Variants in ARMC8 observed in about 807,000 individuals in gnomAD.
ARMC8 encodes armadillo repeat containing 8, also known as armadillo repeat-containing protein 8.
ARMC8 carries 20 observed loss-of-function variants against 99.3 expected under a neutral mutation model. The observed-to-expected ratio is 0.20, with a 90% CI of 0.14 to 0.29. The LOEUF (loss-of-function observed/expected upper bound fraction) is 0.29, where lower values mean the gene tolerates loss of function less well. ARMC8 is among the 10% of genes least tolerant of loss of function. The pLI, the probability that ARMC8 is intolerant of heterozygous loss-of-function variation, is 1.00. For synonymous variants in ARMC8, 263 were observed against 278.3 expected (o/e 0.95, Z 0.55); for missense variants, 569 against 809.5 (o/e 0.70, Z 3.60).
intron 2 of ARMC8, among the ~76,000 whole-genome samples, chr3:138,211,078 T>TA (rs1371657544): frequency 6.6e-6 from 1 of 152,156 alleles, no homozygotes; most frequent in East Asian, 1.9e-4. Flanking sequence ...TTTAGACTAG[T>TA]TTAATTATTA....
At chr3:138,262,119 T>A (rs2108256682) in intron 12 of ARMC8, 1 of 157,182 alleles carries the variant, frequency 6.4e-6, no homozygotes, top group East Asian at 1.9e-4. Flanking sequence ...TAATGAATGG[T>A]GGGAGGACAG....
chr3:138,234,889 T>A (rs918572505), intron 6 of ARMC8, 145 bp from the exon 7 acceptor site: 1 of 627,636 alleles, frequency 1.6e-6, no homozygotes, highest in Non-Finnish European at 2.8e-6. Flanking sequence ...TTTGTGCTGC[T>A]TTTTGAGGTT....
intron 9 of ARMC8, 56 bp downstream of exon 9, chr3:138,237,628 A>G: frequency 1.4e-6 from 2 of 1,455,144 alleles, no homozygotes; most frequent in Admixed American, 2.1e-5. Context: ...ATCTTAGAGT[A>G]TTTTTGGACA....
At chr3:138,288,485 T>C (rs980701036) in intron 19 of ARMC8, among the ~76,000 whole-genome samples, 4 of 152,216 alleles carry the variant, frequency 2.6e-5, no homozygotes, top group Non-Finnish European at 5.9e-5. Flanking sequence ...GTTTTTTAAA[T>C]TTGAATTTGC....
rs1230920581 is a variant in ARMC8 at position 138,274,694 on chromosome 3, C to T, written c.1725+150C>T. The T allele has an allele frequency of 1.1e-5, 7 of 628,428 alleles. No individual in the cohort carries two copies. In the East Asian group the frequency reaches 1.4e-4, roughly 12 times the overall value. The allele number at this position is 628,428 out of a possible 1,614,324, so 38.9% of individuals were successfully genotyped here. On this transcript the variant is annotated intron_variant, in intron 18 of 21. Transcript: ENST00000469044. ...TAGGAAGAAATATCTTCCACCATCC[C>T]TTAAACTCTCTTTAAGACTTCTTCC... is the stretch of plus-strand genomic sequence containing the variant.
At chr3:138,284,360 C>A (rs989593758) in intron 18 of ARMC8, 71 bp from the exon 19 acceptor site, 11 of 1,226,586 alleles carry the variant, frequency 9.0e-6, no homozygotes, top group Non-Finnish European at 1.3e-5. Context: ...AAAAATTGCC[C>A]AAGCTCTTGA....
rs1559985935 is a variant in ARMC8 at position 138,247,417 on chromosome 3, T to G, written c.1134+2234T>G. On this transcript the variant is annotated intron_variant, in intron 12 of 21. Coordinates refer to ENST00000469044, the MANE Select transcript of ARMC8 (RefSeq NM_001363941.2). ...AGTCTCTGAAAGAAATTTAAAGGAC[T>G]GTAGATCTACTTCCCTCAATCCCTA... 2.0e-5 allele frequency among the ~76,000 whole-genome samples: 3 copies of G among 152,302 alleles called. No homozygotes were observed. The Middle Eastern group carries it at 0.01, about 518-fold the overall frequency.
At chr3:138,241,311 G>T (rs372468068) in intron 10 of ARMC8, among the ~76,000 whole-genome samples, 5 of 152,184 alleles carry the variant, frequency 3.3e-5, no homozygotes, top group African/African-American at 1.2e-4. Context: ...TTTGGCAACT[G>T]TAGGTATGAC....
At position 138,221,813 on chromosome 3, in the gene ARMC8, G is replaced by A. The variant is rs193052262; in HGVS notation, c.123-113G>A. 1.4e-4 allele frequency: 109 copies of A among 785,036 alleles called. 2 individuals carry two copies. Among genetic ancestry groups the A allele is most frequent in the South Asian group, 6.9e-4 (42 of 60,948 alleles). The allele number at this position is 785,036 out of a possible 1,614,324, so 48.6% of individuals were successfully genotyped here. A position where few individuals can be genotyped will look rare whatever the true frequency, so the allele number is the denominator to read the frequency against. On this transcript the variant is annotated intron_variant, in intron 2 of 21. Transcript: ENST00000469044. ...TCATTAGTACTTTAGGTGAAAAAAG[G>A]TTAGTGCTTTTACTTTGTCAAATCT...
Position 138,187,494 on chromosome 3 carries a change from G to A in ARMC8, c.-61G>A, listed in dbSNP as rs1277620648. ...CGGTGCCTAGCGTTGGCCAATAGTT[G>A]GCTGTCGAAAGTGCCGGCCCCCGCG... On this transcript the variant is annotated 5_prime_UTR_variant, in exon 1 of 22. Transcript: ENST00000469044. 6.6e-7 allele frequency: 1 copy of A among 1,518,304 alleles called. No homozygotes were observed. The highest frequency in any genetic ancestry group is 1.2e-5 in the South Asian group (1 of 83,638). The allele number at this position is 1,518,304 out of a possible 1,614,324, so 94.1% of individuals were successfully genotyped here.
At chr3:138,203,712 G>A (rs776212138) in intron 1 of ARMC8, among the ~76,000 whole-genome samples, 2 of 152,164 alleles carry the variant, frequency 1.3e-5, no homozygotes, top group Non-Finnish European at 2.9e-5. Flanking sequence ...CAGGAGGTGG[G>A]GATCATTGGG....
intron 12 of ARMC8, among the ~76,000 whole-genome samples, chr3:138,248,404 A>G (rs2108204622): frequency 6.6e-6 from 1 of 152,234 alleles, no homozygotes; most frequent in East Asian, 1.9e-4. Context: ...AGTAAAAATT[A>G]GCTCTCATCT....
At chr3:138,270,501 CAG>C (rs1250117373) in intron 16 of ARMC8, among the ~76,000 whole-genome samples, 2 of 152,242 alleles carry the variant, frequency 1.3e-5, no homozygotes, top group South Asian at 2.1e-4. Flanking sequence ...TGATACCAAC[CAG>C]AGAGTTCTTA....
intron 2 of ARMC8, among the ~76,000 whole-genome samples, chr3:138,221,194 A>G (rs2045373612): frequency 6.6e-6 from 1 of 152,230 alleles, no homozygotes; most frequent in South Asian, 2.1e-4. Flanking sequence ...TGAATATCTG[A>G]GAAATGTAAA....
At chr3:138,228,602 G>A (rs1025507383) in intron 5 of ARMC8, 2 of 438,468 alleles carry the variant, frequency 4.6e-6, no homozygotes, top group Admixed American at 2.6e-5. Context: ...TCACATTTTG[G>A]TTTCAGAACT....
chr3:138,194,020 AC>A (rs2043547295), intron 1 of ARMC8, among the ~76,000 whole-genome samples: 1 of 150,670 alleles, frequency 6.6e-6, no homozygotes, highest in African/African-American at 2.4e-5. Context: ...TGTCTTCTTT[AC>A]AGTCCTTTCC....
At chr3:138,239,577 T>C in intron 10 of ARMC8, 49 bp downstream of exon 10, 1 of 1,240,498 alleles carries the variant, frequency 8.1e-7, no homozygotes. Flanking sequence ...CAGTTATGTG[T>C]TAAATATCAG....
intron 12 of ARMC8, among the ~76,000 whole-genome samples, chr3:138,253,905 A>T (rs2047259703): frequency 6.6e-6 from 1 of 152,224 alleles, no homozygotes; most frequent in South Asian, 2.1e-4. Flanking sequence ...TATGATTAAG[A>T]TATGACTGTA....
intron 18 of ARMC8, among the ~76,000 whole-genome samples, chr3:138,282,687 T>G (rs1032586306): frequency 2.8e-4 from 43 of 151,346 alleles, no homozygotes; most frequent in African/African-American, 1.0e-3. Flanking sequence ...TACCTTATCC[T>G]GTAGGCTCAG....
Sources: allele counts gnomAD v4.1 joint callset (sites outside exome capture counted in the v4.1 genomes callset), GRCh38; gene constraint gnomAD v4.1.1; transcripts MANE v1.5; gene names NCBI Gene and HGNC (gene_info 2026-07-23, HGNC 2026-07-21).